The following PBX1 variants were observed in gnomAD, a reference collection of about 807,000 sequenced individuals.
The protein encoded by PBX1 is pre-B-cell leukemia transcription factor 1.
Under a neutral mutation model 53.4 loss-of-function variants are expected in PBX1, and 6 were observed. The observed-to-expected ratio is 0.11, with a 90% CI of 0.06 to 0.22. The LOEUF (loss-of-function observed/expected upper bound fraction) is 0.22, where lower values mean the gene tolerates loss of function less well. Ranked by LOEUF, PBX1 falls within the 10% of genes least tolerant of loss-of-function variation. PBX1 has a pLI of 1.00. For missense variants in PBX1, 251 were observed against 551.4 expected (o/e 0.46, Z 5.46); for synonymous variants, 204 against 212.3 (o/e 0.96, Z 0.34).
chr1:164,609,955 A>C (rs1047522566), intron 2 of PBX1, among the ~76,000 whole-genome samples: 1 of 152,126 alleles, frequency 6.6e-6, no homozygotes, highest in Non-Finnish European at 1.5e-5. Flanking sequence ...TCTTAGCAAA[A>C]GGCTTCCTGG....
At chr1:164,854,851 G>A (rs1288862508), downstream of PBX1, among the ~76,000 whole-genome samples, 1 of 151,792 alleles carries the variant, frequency 6.6e-6, no homozygotes, top group African/African-American at 2.4e-5. Context: ...TTAATATCCA[G>A]GTTCTCCTGT....
chr1:164,861,892 T>TG lies in PBX1; in HGVS notation n.257+30411dup, dbSNP rs113692541. ...GGAATTGCAAGGAGCCCAAGGTGGC[T>TG]GGATCAGAGAAAGTGAGGGGAAGAC... On this transcript the variant is annotated intron_variant and non_coding_transcript_variant, in intron 2 of 2. Transcript: ENST00000558796. 4.1e-3 allele frequency among the ~76,000 whole-genome samples: 621 copies of TG among 152,286 alleles called. 2 individuals carry two copies. The highest frequency in any genetic ancestry group is 0.014 in the African/African-American group (595 of 41,558).
chr1:164,563,080 A>G (rs982954302), intron 1 of PBX1, 158 bp from the exon 2 acceptor site: 21 of 448,588 alleles, frequency 4.7e-5, no homozygotes, highest in Middle Eastern at 9.4e-4. Flanking sequence ...CTATGGCGGG[A>G]CTCTGTATAT....
rs1655285319 is a variant in PBX1 at position 164,590,378 on chromosome 1, C to G, written c.265+27067C>G. 2 of 455,854 alleles carry G rather than the reference C, an allele frequency of 4.4e-6. 1 individual carries two copies. Among genetic ancestry groups the G allele is most frequent in the African/African-American group, 4.0e-5 (2 of 50,026 alleles). 28.2% of individuals were successfully genotyped at this position (455,854 alleles called of 1,614,324 possible). A position where few individuals can be genotyped will look rare whatever the true frequency, so the allele number is the denominator to read the frequency against. The stretch of plus-strand genomic sequence containing the variant: ...CTCCTTGTTTTCTTTGTGCTCTGGA[C>G]TTGCTCACTTGCACTGCTTGCTTCT... On this transcript the variant is annotated intron_variant, in intron 2 of 8. Coordinates refer to ENST00000420696, the MANE Select transcript of PBX1 (RefSeq NM_002585.4).
At chr1:164,730,214 C>G (rs896814837) in intron 2 of PBX1, among the ~76,000 whole-genome samples, 1 of 152,212 alleles carries the variant, frequency 6.6e-6, no homozygotes, top group South Asian at 2.1e-4. Flanking sequence ...TCCAAGAATA[C>G]AGCCATCAAC....
At chr1:164,560,623 G>A (rs560248991) in intron 1 of PBX1, among the ~76,000 whole-genome samples, 5 of 152,176 alleles carry the variant, frequency 3.3e-5, no homozygotes, top group African/African-American at 1.2e-4. Flanking sequence ...CAGCTATCCA[G>A]AAAATATTTT....
chr1:164,737,477 T>C (rs1386378353), intron 2 of PBX1, among the ~76,000 whole-genome samples: 1 of 152,028 alleles, frequency 6.6e-6, no homozygotes, highest in Non-Finnish European at 1.5e-5. Flanking sequence ...TGTTTTTTTC[T>C]TTCCTTTTTT....
intron 2 of PBX1, among the ~76,000 whole-genome samples, chr1:164,700,297 C>T (rs1231191042): frequency 1.3e-5 from 2 of 152,180 alleles, no homozygotes; most frequent in East Asian, 3.9e-4. Context: ...TTGGCAGCTC[C>T]TGAGGGACAC....
At chr1:164,739,467 G>A (rs1014500510) in intron 2 of PBX1, among the ~76,000 whole-genome samples, 3 of 152,220 alleles carry the variant, frequency 2.0e-5, no homozygotes, top group African/African-American at 4.8e-5. Flanking sequence ...GCTATTGAGC[G>A]GCTTCCCTAA....
chr1:164,581,292 A>G (rs960051866), intron 2 of PBX1, among the ~76,000 whole-genome samples: 1 of 150,978 alleles, frequency 6.6e-6, no homozygotes, highest in East Asian at 2.0e-4. Flanking sequence ...CAGTGGCGCA[A>G]TCTCGGCTCA....
At chr1:164,856,032 C>A (rs1029484160), downstream of PBX1, among the ~76,000 whole-genome samples, 1 of 152,144 alleles carries the variant, frequency 6.6e-6, no homozygotes, top group Admixed American at 6.5e-5. Flanking sequence ...TATGTTTATC[C>A]CTGTACCACT....
At chr1:164,642,976 C>T (rs1659233239) in intron 2 of PBX1, 1 of 152,068 alleles carries the variant, frequency 6.6e-6, no homozygotes, top group African/African-American at 2.4e-5. Flanking sequence ...ACTGGGAGGT[C>T]CAGGATAAAG....
intron 2 of PBX1, among the ~76,000 whole-genome samples, chr1:164,705,191 A>G (rs1663359137): frequency 6.6e-6 from 1 of 152,196 alleles, no homozygotes; most frequent in South Asian, 2.1e-4. Flanking sequence ...GTGAGAACCA[A>G]AAATGTCTCC....
chr1:164,601,105 G>A (rs929420938), intron 2 of PBX1, among the ~76,000 whole-genome samples: 17 of 151,934 alleles, frequency 1.1e-4, no homozygotes, highest in Non-Finnish European at 2.4e-4. Context: ...CGGGCGTGGC[G>A]GTGGGCGCCT....
chr1:164,615,143 TTA>T (rs757181396), intron 2 of PBX1, among the ~76,000 whole-genome samples: 21 of 152,260 alleles, frequency 1.4e-4, no homozygotes, highest in African/African-American at 2.2e-4. Flanking sequence ...CTTCAAAACT[TTA>T]TGTTTCTCTG....
chr1:164,776,028 T>TA, intron 2 of PBX1, among the ~76,000 whole-genome samples: 1 of 152,348 alleles, frequency 6.6e-6, no homozygotes, highest in Middle Eastern at 3.4e-3. Flanking sequence ...AGCTTTTCTC[T>TA]ATGACACTAT....
chr1:164,622,867 C>G (rs1657778642), intron 2 of PBX1, among the ~76,000 whole-genome samples: 1 of 148,200 alleles, frequency 6.7e-6, no homozygotes, highest in African/African-American at 2.5e-5. Context: ...CTCTTTCGCC[C>G]AGGCTGGAGT....
intron 2 of PBX1, among the ~76,000 whole-genome samples, chr1:164,716,773 A>G (rs1245367559): frequency 2.0e-5 from 3 of 152,052 alleles, no homozygotes; most frequent in Non-Finnish European, 2.9e-5. Flanking sequence ...TATTAACGAA[A>G]AAATAAAAGC....
At chr1:164,838,139 C>A (rs1671129221) in intron 8 of PBX1, among the ~76,000 whole-genome samples, 1 of 152,180 alleles carries the variant, frequency 6.6e-6, no homozygotes, top group Non-Finnish European at 1.5e-5. Flanking sequence ...TGACTGAGCA[C>A]CCCTTAGCAG....
Sources: gnomAD v4.1 joint callset for allele counts (sites outside exome capture counted in the v4.1 genomes callset) on GRCh38, gnomAD v4.1.1 for gene constraint, MANE v1.5 for transcripts, NCBI Gene and HGNC (gene_info 2026-07-23, HGNC 2026-07-21) for gene names.